The following OBP2B variants were observed in gnomAD, a reference collection of about 807,000 sequenced individuals.
OBP2B encodes odorant binding protein 2B.
OBP2B carries 10 observed loss-of-function variants against 21.7 expected under a neutral mutation model. That is an observed-to-expected ratio of 0.46 (90% CI 0.28 to 0.78). The LOEUF (loss-of-function observed/expected upper bound fraction) is 0.78. OBP2B is among the 30% of genes least tolerant of loss of function. The pLI is 0.11. For synonymous variants in OBP2B, 73 were observed against 91.5 expected (o/e 0.80, Z 1.16); for missense variants, 153 against 217.7 (o/e 0.70, Z 1.87).
At position 133,208,533 on chromosome 9, in the gene OBP2B, T is replaced by C. The variant is rs1288736042; in HGVS notation, c.142A>G (p.Lys48Glu). The C allele has an allele frequency of 1.2e-6, 2 of 1,613,454 alleles. No individual in the cohort carries two copies. Among genetic ancestry groups the C allele is most frequent in the Non-Finnish European group, 1.7e-6 (2 of 1,179,690 alleles). The stretch of plus-strand genomic sequence containing the variant: ...GCTGTCACCTTCACTGGGGACACCT[T>C]CCTGGGCCTCCTGTCCTCCGGAAAG... ...KDFPEDRRPR[K>E]VSPVKVTALG... is the part of the protein sequence containing the mutation. The change falls in exon 2 of 7, where the codon AAG (lysine) becomes GAG (glutamate). Residue 48 changes from lysine (K) to glutamate (E), a missense_variant. Transcript: ENST00000372034.
At chr9:133,206,585 C>A (rs1412647636) in intron 4 of OBP2B, 169 bp from the exon 5 acceptor site, 5 of 791,130 alleles carry the variant, frequency 6.3e-6, no homozygotes, top group Non-Finnish European at 1.0e-5. Context: ...GGCCACTGCC[C>A]AGCACCAGGA....
chr9:133,211,946 C>T (rs575863165), upstream of OBP2B, among the ~76,000 whole-genome samples: 4 of 152,106 alleles, frequency 2.6e-5, no homozygotes, highest in South Asian at 2.1e-4. Flanking sequence ...AACTATATGC[C>T]GTCTACAAGA....
At chr9:133,205,564 G>T in intron 6 of OBP2B, 153 bp from the exon 7 acceptor site, 1 of 620,786 alleles carries the variant, frequency 1.6e-6, no homozygotes, top group Non-Finnish European at 2.8e-6. Context: ...CAATGACTGG[G>T]CAGGCCTCTG....
Position 133,205,957 on chromosome 9 carries a change from A to G in OBP2B, c.491-17T>C. 1 of 1,613,902 alleles carries G rather than the reference A, an allele frequency of 6.2e-7. No individual in the cohort carries two copies. The highest frequency in any genetic ancestry group is 8.5e-7 in the Non-Finnish European group (1 of 1,179,808). On this transcript the variant is annotated splice_polypyrimidine_tract_variant and intron_variant, in intron 5 of 6. Transcript: ENST00000372034. The stretch of plus-strand genomic sequence containing the variant: ...CGCAGCTTCCTGCAGAGACCAAGAA[A>G]AACCCAGGGATTAGAAGGCGCCCTA...
the OBP2B span, among the ~76,000 whole-genome samples, chr9:133,219,486 A>C: frequency 4.6e-5 from 7 of 152,382 alleles, 1 homozygote; most frequent in South Asian, 4.1e-4. Flanking sequence ...GAGAAGATAT[A>C]AAAATGACCA....
Position 133,208,491 on chromosome 9 carries a change from A to G in OBP2B, c.184T>C (p.Leu62=). The change falls in exon 2 of 7, where the codon TTG becomes CTG. Residue 62 remains leucine (L), a synonymous_variant. Transcript: ENST00000372034. ...CACATGAAGGTGAACGTGGCTTCCA[A>G]CTTCCCACCGCCCAGGGCTGTCACC... The part of the protein sequence containing the change: ...VKVTALGGGK[L]EATFTFMRED... 1 of 1,613,834 alleles carries G rather than the reference A, an allele frequency of 6.2e-7. No individual in the cohort carries two copies. The highest frequency in any genetic ancestry group is 8.5e-7 in the Non-Finnish European group (1 of 1,179,790).
the OBP2B span, among the ~76,000 whole-genome samples, chr9:133,215,547 C>G: frequency 5.3e-5 from 8 of 151,972 alleles, no homozygotes; most frequent in African/African-American, 1.4e-4. Context: ...GAGACAGAGT[C>G]TTGCTCTGTC....
At chr9:133,222,083 G>A in the OBP2B span, among the ~76,000 whole-genome samples, 9 of 152,292 alleles carry the variant, frequency 5.9e-5, no homozygotes, top group South Asian at 8.3e-4. Context: ...GGAGAACCGC[G>A]CTCCAATGTG....
chr9:133,209,928 G>A (rs1286128728), upstream of OBP2B, among the ~76,000 whole-genome samples: 6 of 152,168 alleles, frequency 3.9e-5, no homozygotes, highest in African/African-American at 7.2e-5. The surrounding 1 kb of genome is among the most constrained non-coding windows in gnomAD (Gnocchi z 6.0). Context: ...CTCAGAACAC[G>A]CGATCTCTCT....
chr9:133,205,577 C>T, intron 6 of OBP2B, 166 bp from the exon 7 acceptor site: 1 of 613,322 alleles, frequency 1.6e-6, no homozygotes, highest in South Asian at 2.0e-5. Context: ...GGCCTCTGAG[C>T]ATCCTTGGTG....
At position 133,206,326 on chromosome 9, in the gene OBP2B, G is replaced by T. The variant is rs782697937; in HGVS notation, c.479C>A (p.Pro160His). 18 of 1,613,854 alleles carry T rather than the reference G, an allele frequency of 1.1e-5. 1 individual carries two copies. The Admixed American group carries it at 2.5e-4, about 22-fold the overall frequency. ...ACAGCCATCCTCACCCGTCTGCAGG[G>T]GCGTGAAAATGTCCTCCTCCGAGAG... ...KGLSEEDIFT[P>H]LQTGSCVPEH is the part of the protein sequence containing the mutation. The change falls in exon 5 of 7, where the codon CCC becomes CAC. Residue 160 changes from proline to histidine, a missense_variant. Pro to His is a moderately conservative substitution (Grantham distance 77). Around this residue, in one of 2 missense-constraint regions of OBP2B, gnomAD observed 151 missense variants for 186.3 expected, o/e 0.81. Transcript: ENST00000372034.
At chr9:133,215,962 C>A in the OBP2B span, among the ~76,000 whole-genome samples, 4 of 152,116 alleles carry the variant, frequency 2.6e-5, no homozygotes, top group African/African-American at 9.7e-5. Flanking sequence ...TAGACTTAAA[C>A]ATAAAACTTA....
upstream of OBP2B, among the ~76,000 whole-genome samples, chr9:133,211,017 C>T (rs552089161): frequency 2.1e-3 from 314 of 152,342 alleles, 2 homozygotes; most frequent in Non-Finnish European, 3.4e-3. Flanking sequence ...CTCACCACTT[C>T]CCTCACGACC....
the OBP2B span, among the ~76,000 whole-genome samples, chr9:133,221,970 G>A: frequency 6.6e-6 from 1 of 152,118 alleles, no homozygotes; most frequent in Non-Finnish European, 1.5e-5. Context: ...TGCCTGGGCA[G>A]AATCATCCCC....
the OBP2B span, among the ~76,000 whole-genome samples, chr9:133,221,669 G>A: frequency 6.6e-6 from 1 of 152,208 alleles, no homozygotes; most frequent in Non-Finnish European, 1.5e-5. Flanking sequence ...CAATGGAGAT[G>A]TTCCATCCTG....
chr9:133,214,004 A>G (rs1833945827), upstream of OBP2B, among the ~76,000 whole-genome samples: 1 of 152,214 alleles, frequency 6.6e-6, no homozygotes, highest in Non-Finnish European at 1.5e-5. Flanking sequence ...AAATAATAAT[A>G]TATAAAATTA....
upstream of OBP2B, among the ~76,000 whole-genome samples, chr9:133,210,547 C>A (rs2119406707): frequency 6.6e-6 from 1 of 152,284 alleles, no homozygotes; most frequent in African/African-American, 2.4e-5. Flanking sequence ...GGGAAGGTTT[C>A]TCTGTTCTCT....
chr9:133,205,588 G>C (rs2119382894), intron 6 of OBP2B, 177 bp from the exon 7 acceptor site: 1 of 607,962 alleles, frequency 1.6e-6, no homozygotes, highest in East Asian at 2.8e-5. Flanking sequence ...ATCCTTGGTG[G>C]GTGGATGGTG....
chr9:133,208,045 G>A, intron 3 of OBP2B, 88 bp downstream of exon 3: 1 of 1,497,526 alleles, frequency 6.7e-7, no homozygotes, highest in Non-Finnish European at 9.0e-7. Flanking sequence ...TGGCAAAAGG[G>A]CAGCCTGGGC....
Sources: allele counts gnomAD v4.1 joint callset (sites outside exome capture counted in the v4.1 genomes callset), GRCh38; gene constraint gnomAD v4.1.1; regional missense constraint gnomAD v4.1.1; non-coding constraint Gnocchi (gnomAD v3.1); transcripts MANE v1.5; gene names NCBI Gene and HGNC (gene_info 2026-07-23, HGNC 2026-07-21).